The following NKAIN2 variants were observed in gnomAD, a reference collection of about 807,000 sequenced individuals.
NKAIN2 encodes the protein sodium/potassium transporting ATPase interacting 2, also known as sodium/potassium-transporting ATPase subunit beta-1-interacting protein 2.
NKAIN2 carries 14 observed loss-of-function variants against 32.6 expected under a neutral mutation model. The ratio of observed to expected loss-of-function variants is 0.43; its 90% CI spans 0.28 to 0.67. The LOEUF is 0.67. Ranked by LOEUF, NKAIN2 falls within the 30% of genes least tolerant of loss-of-function variation. The pLI is 0.17. For missense variants in NKAIN2, 198 were observed against 258.3 expected, an observed-to-expected ratio of 0.77 and a Z score of 1.60; for synonymous variants, 80 against 87.2, an observed-to-expected ratio of 0.92 and a Z score of 0.46.
intron 4 of NKAIN2, among the ~76,000 whole-genome samples, chr6:124,695,289 G>A (rs1237665815): frequency 2.0e-5 from 3 of 152,056 alleles, no homozygotes; most frequent in Non-Finnish European, 4.4e-5. Flanking sequence ...ACTTTAGACT[G>A]CAGAAGATTT....
intron 1 of NKAIN2, among the ~76,000 whole-genome samples, chr6:124,155,411 G>A (rs567699551): frequency 7.9e-5 from 12 of 151,918 alleles, no homozygotes; most frequent in African/African-American, 2.7e-4. Flanking sequence ...ACATTACTGT[G>A]TACCCCATAA....
intron 3 of NKAIN2, among the ~76,000 whole-genome samples, chr6:124,465,630 T>TAAA (rs5879736): frequency 0.021 from 2,965 of 140,798 alleles, 88 homozygotes; most frequent in African/African-American, 0.066. Flanking sequence ...AAAGTAAAGT[T>TAAA]AAAAAAAAAA....
intron 1 of NKAIN2, among the ~76,000 whole-genome samples, chr6:124,203,656 AT>A (rs1562420419): frequency 6.6e-6 from 1 of 151,710 alleles, no homozygotes; most frequent in Non-Finnish European, 1.5e-5. Context: ...TCATCTGGAA[AT>A]TTCCTGTTAC....
chr6:124,596,424 G>A lies in NKAIN2; in HGVS notation c.274-61762G>A, dbSNP rs547411994. 2.0e-5 allele frequency among the ~76,000 whole-genome samples: 3 copies of A among 152,238 alleles called. No individual in the cohort carries two copies. The South Asian group carries it at 6.2e-4, about 32-fold the overall frequency. On this transcript the variant is annotated intron_variant, in intron 3 of 6. Coordinates refer to ENST00000368417, the MANE Select transcript of NKAIN2 (RefSeq NM_001040214.3). ...GCCGCCAACTCTAGATGTGGCTGAGGGTCAGAAGGGACCGCCTGTGCTTAG... is the reference window on the plus strand; with the variant it reads ...GCCGCCAACTCTAGATGTGGCTGAGAGTCAGAAGGGACCGCCTGTGCTTAG...
intron 1 of NKAIN2, among the ~76,000 whole-genome samples, chr6:124,136,633 C>T (rs933279098): frequency 6.6e-6 from 1 of 152,060 alleles, no homozygotes; most frequent in African/African-American, 2.4e-5. Flanking sequence ...CGAAACCCAA[C>T]AGCGTCTCAC....
intron 3 of NKAIN2, among the ~76,000 whole-genome samples, chr6:124,652,478 G>T (rs956035626): frequency 6.6e-6 from 1 of 152,016 alleles, no homozygotes; most frequent in Non-Finnish European, 1.5e-5. Context: ...GCTCTCAATC[G>T]TTTCCACATT....
intron 1 of NKAIN2, among the ~76,000 whole-genome samples, chr6:124,241,093 C>A (rs561815333): frequency 3.8e-4 from 58 of 152,124 alleles, no homozygotes; most frequent in African/African-American, 1.3e-3. Flanking sequence ...TCCTATACAC[C>A]AATAATAGAA....
At chr6:124,173,960 A>G (rs1562401542) in intron 1 of NKAIN2, among the ~76,000 whole-genome samples, 1 of 152,124 alleles carries the variant, frequency 6.6e-6, no homozygotes, top group Non-Finnish European at 1.5e-5. Flanking sequence ...TTTCATGCCG[A>G]AGGATACTGT....
At chr6:124,682,487 T>G (rs549517735) in intron 4 of NKAIN2, among the ~76,000 whole-genome samples, 1 of 152,176 alleles carries the variant, frequency 6.6e-6, no homozygotes, top group African/African-American at 2.4e-5. Context: ...TGACGTGAAG[T>G]ACTGACAGTA....
At chr6:124,625,829 C>T (rs1783304271) in intron 3 of NKAIN2, among the ~76,000 whole-genome samples, 1 of 151,930 alleles carries the variant, frequency 6.6e-6, no homozygotes, top group South Asian at 2.1e-4. Context: ...TAGAAGTCAT[C>T]AAATGCCAGA....
intron 1 of NKAIN2, among the ~76,000 whole-genome samples, chr6:124,260,332 A>G (rs1350520762): frequency 6.6e-6 from 1 of 152,098 alleles, no homozygotes; most frequent in Non-Finnish European, 1.5e-5. Context: ...TTAAATGCAA[A>G]CGAGAAATAA....
chr6:124,352,368 T>C (rs1398629644), intron 2 of NKAIN2, among the ~76,000 whole-genome samples: 1 of 152,220 alleles, frequency 6.6e-6, no homozygotes, highest in African/African-American at 2.4e-5. Flanking sequence ...TTTTATTATA[T>C]TTTCAACATA....
chr6:124,473,431 A>C (rs969606738), intron 3 of NKAIN2, among the ~76,000 whole-genome samples: 2 of 152,110 alleles, frequency 1.3e-5, no homozygotes, highest in Non-Finnish European at 2.9e-5. Flanking sequence ...AGATATACAG[A>C]TTGTGTTTTT....
chr6:124,258,655 A>C (rs181054446), intron 1 of NKAIN2, among the ~76,000 whole-genome samples: 103 of 152,332 alleles, frequency 6.8e-4, no homozygotes, highest in African/African-American at 2.3e-3. Flanking sequence ...CTCAAACTAT[A>C]AAATAGGGAA....
chr6:124,539,794 C>T (rs1779844373), intron 3 of NKAIN2, among the ~76,000 whole-genome samples: 1 of 152,106 alleles, frequency 6.6e-6, no homozygotes, highest in Non-Finnish European at 1.5e-5. Context: ...GATCTCGTCT[C>T]ACTGCAACCT....
Position 124,638,887 on chromosome 6 carries a change from C to CAAAAAAAAAAAAAAAA in NKAIN2, c.274-19292_274-19277dup, listed in dbSNP as rs35802663. Among the ~76,000 whole-genome samples, 9 of 82,622 alleles carry CAAAAAAAAAAAAAAAA rather than the reference C, an allele frequency of 1.1e-4. 1 individual carries two copies. The highest frequency in any genetic ancestry group is 4.7e-4 in the African/African-American group (9 of 19,100). 54.2% of individuals were successfully genotyped at this position (82,622 alleles called of 152,430 possible). On this transcript the variant is annotated intron_variant, in intron 3 of 6. Coordinates refer to ENST00000368417, the MANE Select transcript of NKAIN2 (RefSeq NM_001040214.3). The stretch of plus-strand genomic sequence containing the variant: ...GCCTGGGGGCAGAGTGAGACTCTGT[C>CAAAAAAAAAAAAAAAA]AAAAAAAAAAAAAAAAAAAAAAGAT...
chr6:124,242,809 G>T (rs1457070785), intron 1 of NKAIN2, among the ~76,000 whole-genome samples: 1 of 149,934 alleles, frequency 6.7e-6, no homozygotes. Flanking sequence ...AACACTGCAT[G>T]TTCTCACTCA....
At chr6:124,417,558 G>T (rs1774551821) in intron 3 of NKAIN2, among the ~76,000 whole-genome samples, 1 of 151,946 alleles carries the variant, frequency 6.6e-6, no homozygotes, top group Admixed American at 6.6e-5. Flanking sequence ...TCTAAATAAA[G>T]TATTCTTTCC....
At chr6:124,549,308 C>G (rs540501325) in intron 3 of NKAIN2, among the ~76,000 whole-genome samples, 1 of 152,236 alleles carries the variant, frequency 6.6e-6, no homozygotes, top group East Asian at 1.9e-4. Flanking sequence ...GCGGAGGTTG[C>G]AGTGAGCGGA....
Sources: allele counts gnomAD v4.1 joint callset (sites outside exome capture counted in the v4.1 genomes callset), GRCh38; gene constraint gnomAD v4.1.1; transcripts MANE v1.5; gene names NCBI Gene and HGNC (gene_info 2026-07-23, HGNC 2026-07-21).